The following SLC38A2 variants were observed in gnomAD, a reference collection of about 807,000 sequenced individuals.
The protein encoded by SLC38A2 is solute carrier family 38 member 2.
A neutral mutation model predicts 61.5 loss-of-function variants in SLC38A2; 11 were observed. The observed-to-expected ratio is 0.18, with a 90% CI of 0.11 to 0.30. The LOEUF is 0.30. SLC38A2 is among the 10% of genes least tolerant of loss of function. The pLI is 1.00. For missense variants in SLC38A2, 522 were observed against 600.4 expected, an observed-to-expected ratio of 0.87 and a Z score of 1.36; for synonymous variants, 217 against 212.5, an observed-to-expected ratio of 1.02 and a Z score of -0.18.
rs1462920538 is a variant in SLC38A2 at position 46,370,578 on chromosome 12, G to C, written c.248C>G (p.Ala83Gly). Reference protein sequence around the residue: ...FGMSVFNLSNAIVGSGILGLS... With the variant: ...FGMSVFNLSNGIVGSGILGLS... ...CCCAAGGATTCCACTGCCCACAATC[G>C]CATTGCTCAGATTAAATACTGACAT... is the stretch of plus-strand genomic sequence containing the variant. The change falls in exon 4 of 16, where the codon GCG becomes GGG. Residue 83 changes from alanine (A) to glycine (G), a missense_variant. Physicochemically the swap from Ala to Gly is moderately conservative, Grantham distance 60 (BLOSUM62 0). Around this residue, in one of 3 missense-constraint regions of SLC38A2, gnomAD observed 111 missense variants for 173.4 expected, o/e 0.64. Coordinates refer to ENST00000256689, the MANE Select transcript of SLC38A2 (RefSeq NM_018976.5). 1 of 1,614,070 alleles carries C rather than the reference G, an allele frequency of 6.2e-7. No homozygotes were observed.
At chr12:46,371,924 A>C (rs1943207435) in intron 1 of SLC38A2, among the ~76,000 whole-genome samples, 1 of 152,072 alleles carries the variant, frequency 6.6e-6, no homozygotes, top group African/African-American at 2.4e-5. Flanking sequence ...AGGGGGGCGA[A>C]CGCCCGGGCC....
At chr12:46,372,433 C>A in intron 1 of SLC38A2, 76 bp downstream of exon 1, 1 of 358,020 alleles carries the variant, frequency 2.8e-6, no homozygotes. Flanking sequence ...TCCCGCGCGG[C>A]CCCTCCCGGA....
At chr12:46,368,678 G>A (rs1023903501) in intron 4 of SLC38A2, among the ~76,000 whole-genome samples, 12 of 152,178 alleles carry the variant, frequency 7.9e-5, no homozygotes, top group Admixed American at 7.9e-4. Flanking sequence ...TTAAACAGAG[G>A]AAGTGGCTTT....
In SLC38A2 at chr12:46,371,393, G is replaced by C; in HGVS notation, c.-86-14C>G. On this transcript the variant is annotated splice_polypyrimidine_tract_variant and intron_variant, in intron 1 of 15. Transcript: ENST00000256689. ...CCGCGAGTCGGCCTGCGAAAGTAGA[G>C]GCGGCGCGTCAGGACCGCAGCGCCA... 1 of 955,690 alleles carries C rather than the reference G, an allele frequency of 1.0e-6. No homozygotes were observed. The highest frequency in any genetic ancestry group is 1.4e-5 in the South Asian group (1 of 70,600). The allele number at this position is 955,690 out of a possible 1,614,324, so 59.2% of individuals were successfully genotyped here.
At chr12:46,371,425 C>G in intron 1 of SLC38A2, 46 bp from the exon 2 acceptor site, 3 of 695,036 alleles carry the variant, frequency 4.3e-6, no homozygotes, top group South Asian at 1.8e-5. Flanking sequence ...GCCAGCCCGC[C>G]GCGGTCACGT....
At chr12:46,364,773 C>A in intron 8 of SLC38A2, 71 bp from the exon 9 acceptor site, 1 of 1,438,428 alleles carries the variant, frequency 7.0e-7, no homozygotes, top group Non-Finnish European at 9.6e-7. Flanking sequence ...CTTTTTCCCA[C>A]TGAATAACTC....
intron 2 of SLC38A2, 37 bp from the exon 3 acceptor site, chr12:46,370,894 A>C: frequency 6.7e-7 from 1 of 1,484,456 alleles, no homozygotes; most frequent in African/African-American, 1.4e-5. Context: ...TGTAAACTGG[A>C]TTGAAATATC....
chr12:46,362,821 A>G, intron 13 of SLC38A2, 183 bp from the exon 14 acceptor site: 1 of 932,584 alleles, frequency 1.1e-6, no homozygotes, highest in Non-Finnish European at 1.5e-6. Flanking sequence ...CTTAAAGATC[A>G]TTTTATATCT....
chr12:46,362,333 T>C lies in SLC38A2; in HGVS notation c.1373A>G (p.Tyr458Cys), dbSNP rs1170884757. 2.5e-6 allele frequency: 4 copies of C among 1,612,376 alleles called. No homozygotes were observed. In the East Asian group the frequency reaches 8.9e-5, roughly 36 times the overall value. The change falls in exon 15 of 16, where the codon TAT becomes TGT. Residue 458 changes from tyrosine (Y) to cysteine (C), a missense_variant. Tyr to Cys is a radical substitution (Grantham distance 194). Around this residue, in one of 3 missense-constraint regions of SLC38A2, gnomAD observed 309 missense variants for 343.9 expected, o/e 0.90. Transcript: ENST00000256689. ...AGGTTCTTTCTTCACCAACTTGATA[T>C]AGAAGGCAGAAGGAAGAATAAAAAT... The part of the protein sequence containing the change: ...MLIFILPSAF[Y>C]IKLVKKEPMK...
Position 46,364,541 on chromosome 12 carries a change from A to G in SLC38A2, c.721T>C (p.Phe241Leu), listed in dbSNP as rs752654302. 2 of 1,604,082 alleles carry G rather than the reference A, an allele frequency of 1.2e-6. No homozygotes were observed. Among genetic ancestry groups the G allele is most frequent in the African/African-American group, 1.3e-5 (1 of 74,168 alleles). The change falls in exon 10 of 16, where the codon TTT becomes CTT. Residue 241 changes from phenylalanine (F) to leucine (L), a missense_variant. This residue lies in a region of SLC38A2 where 309 missense variants were observed against 343.9 expected (regional missense o/e 0.90). Transcript: ENST00000256689. ...FFLIVVICKK[F>L]QVPCPVEAAL... The stretch of plus-strand genomic sequence containing the variant: ...GCTTCCACAGGACACGGAACCTGAA[A>G]TTTCTTGCAAATGACCTAAAAATAT...
Position 46,372,758 on chromosome 12 carries a change from G to A in SLC38A2, c.-336C>T, listed in dbSNP as rs989926959. On this transcript the variant is annotated 5_prime_UTR_variant, in exon 1 of 16. Coordinates refer to ENST00000256689, the MANE Select transcript of SLC38A2 (RefSeq NM_018976.5). ...TACTGGAAAGGCGTTCTAAGGCGGC[G>A]GCGTCGCGCGGCTGTGGAGCAGCCC... 1.5e-5 allele frequency: 6 copies of A among 398,182 alleles called. No homozygotes were observed. Among genetic ancestry groups the A allele is most frequent in the South Asian group, 1.3e-4 (1 of 7,864 alleles). 24.7% of individuals were successfully genotyped at this position (398,182 alleles called of 1,614,324 possible).
At chr12:46,363,630 A>C in intron 12 of SLC38A2, 96 bp downstream of exon 12, 1 of 682,276 alleles carries the variant, frequency 1.5e-6, no homozygotes, top group Non-Finnish European at 2.4e-6. Context: ...ACTATTTTTA[A>C]AGTGATGGAA....
chr12:46,363,590 T>C (rs977445811), intron 12 of SLC38A2, 136 bp downstream of exon 12: 2 of 530,820 alleles, frequency 3.8e-6, no homozygotes, highest in African/African-American at 4.0e-5. Context: ...ATTTAATTTC[T>C]CATCACAAAT....
intron 4 of SLC38A2, 67 bp downstream of exon 4, chr12:46,370,445 G>A (rs1943182728): frequency 5.8e-6 from 7 of 1,216,712 alleles, no homozygotes; most frequent in Non-Finnish European, 8.5e-6. Flanking sequence ...TTCAGTTTCT[G>A]GAGCCAAAAT....
intron 4 of SLC38A2, among the ~76,000 whole-genome samples, chr12:46,369,580 G>C (rs546823729): frequency 2.0e-5 from 3 of 152,092 alleles, no homozygotes; most frequent in Non-Finnish European, 4.4e-5. Flanking sequence ...AAGGTATTAA[G>C]TTACACAATC....
intron 4 of SLC38A2, among the ~76,000 whole-genome samples, chr12:46,369,258 G>A (rs57199226): frequency 0.17 from 25,231 of 152,104 alleles, 3,667 homozygotes; most frequent in African/African-American, 0.39. Flanking sequence ...TCTCCACTAA[G>A]AACTCCTGAG....
Position 46,371,188 on chromosome 12 carries a change from C to A in SLC38A2, c.106G>T (p.Ala36Ser). 1 of 1,614,186 alleles carries A rather than the reference C, an allele frequency of 6.2e-7. No homozygotes were observed. The highest frequency in any genetic ancestry group is 8.5e-7 in the Non-Finnish European group (1 of 1,179,984). ...FNYSYPTKQA[A>S]LKSHYADVDP... Reference sequence around the variant, plus strand: ...CACAACTTCTCCCACCTTTTCAGAGCAGCTTGCTTGGTGGGGTAGGAGTAG... The same window carrying A: ...CACAACTTCTCCCACCTTTTCAGAGAAGCTTGCTTGGTGGGGTAGGAGTAG... Residue 36 changes from alanine to serine, a missense_variant, in exon 2 of 16, where the codon GCT becomes TCT. By Grantham distance (99) the Ala-to-Ser change is moderately conservative. Around this residue, in one of 3 missense-constraint regions of SLC38A2, gnomAD observed 102 missense variants for 83.1 expected, o/e 1.23. Coordinates refer to ENST00000256689, the MANE Select transcript of SLC38A2 (RefSeq NM_018976.5).
rs1022847264 is a variant in SLC38A2, at chr12:46,358,673, C to T, written c.*2438G>A. The T allele has an allele frequency of 6.6e-6, 1 of 152,478 alleles. No homozygotes were observed. Among genetic ancestry groups the T allele is most frequent in the African/African-American group, 2.4e-5 (1 of 41,400 alleles). 9.4% of individuals were successfully genotyped at this position (152,478 alleles called of 1,614,324 possible). A position where few individuals can be genotyped will look rare whatever the true frequency, so the allele number is the denominator to read the frequency against. ...TTACAGGAATATATACACTTGAACC[C>T]AAGACCCAAACCTGACATTATATAC... On this transcript the variant is annotated 3_prime_UTR_variant, in exon 16 of 16. Transcript: ENST00000256689.
rs986921689 is a variant in SLC38A2, at chr12:46,364,530, C to T, written c.732G>A (p.Pro244=). The part of the protein sequence containing the change: ...IVVICKKFQV[P]CPVEAALIIN... Reference sequence around the variant, plus strand: ...TTATCAAAGCAGCTTCCACAGGACACGGAACCTGAAATTTCTTGCAAATGA... The same window carrying T: ...TTATCAAAGCAGCTTCCACAGGACATGGAACCTGAAATTTCTTGCAAATGA... The change falls in exon 10 of 16, where the codon CCG becomes CCA. Residue 244 remains proline (P), a synonymous_variant. Transcript: ENST00000256689. The T allele has an allele frequency of 5.6e-6, 9 of 1,606,666 alleles. No homozygotes were observed. The highest frequency in any genetic ancestry group is 3.4e-5 in the Admixed American group (2 of 58,240).
Sources: gnomAD v4.1 joint callset for allele counts (sites outside exome capture counted in the v4.1 genomes callset) on GRCh38, gnomAD v4.1.1 for gene constraint, gnomAD v4.1.1 regional missense constraint, MANE v1.5 for transcripts, NCBI Gene and HGNC (gene_info 2026-07-23, HGNC 2026-07-21) for gene names.